The following BIRC7 variants were observed in gnomAD, a reference collection of about 807,000 sequenced individuals.
BIRC7 encodes baculoviral IAP repeat-containing protein 7.
Under a neutral mutation model 33.2 loss-of-function variants are expected in BIRC7, and 26 were observed. That is an observed-to-expected ratio of 0.78 (90% CI 0.57 to 1.09). The LOEUF is 1.09. Among genes scored for constraint, BIRC7 ranks in the 50% least tolerant of loss-of-function variants. BIRC7 has a pLI of 0.00. For missense variants in BIRC7, 409 were observed against 401.2 expected (o/e 1.02, Z -0.17); for synonymous variants, 176 against 171.0 (o/e 1.03, Z -0.23).
chr20:63,237,810 T>C, intron 1 of BIRC7, 93 bp from the exon 2 acceptor site: 2 of 855,244 alleles, frequency 2.3e-6, no homozygotes. Flanking sequence ...GGAGCTCCCC[T>C]CCAGCTGAAG....
chr20:63,238,867 C>T (rs1204667105), intron 4 of BIRC7: 1 of 635,258 alleles, frequency 1.6e-6, no homozygotes, highest in African/African-American at 1.8e-5. Context: ...AGCCCATTGC[C>T]TGTCGCCATA....
rs1352135615 is a variant in BIRC7, at chr20:63,240,487, C to T, written c.*237C>T. On this transcript the variant is annotated 3_prime_UTR_variant, in exon 7 of 7. Coordinates refer to ENST00000217169, the MANE Select transcript of BIRC7 (RefSeq NM_139317.3). ...TGAATAGAAATAAAGTGGGTTTTCC[C>T]TGGAGGTACCCAGCAGCCTGTTCCA... is the stretch of plus-strand genomic sequence containing the variant. 2 of 152,246 alleles carry T rather than the reference C, an allele frequency of 1.3e-5. No individual in the cohort carries two copies. The highest frequency in any genetic ancestry group is 3.9e-4 in the East Asian group (2 of 5,188). The allele number at this position is 152,246 out of a possible 1,614,324, so 9.4% of individuals were successfully genotyped here. A position where few individuals can be genotyped will look rare whatever the true frequency, so the allele number is the denominator to read the frequency against.
chr20:63,235,982 C>A lies in BIRC7; in HGVS notation c.-115C>A. 2 of 1,332,706 alleles carry A rather than the reference C, an allele frequency of 1.5e-6. No individual in the cohort carries two copies. Among genetic ancestry groups the A allele is most frequent in the Non-Finnish European group, 2.0e-6 (2 of 991,572 alleles). The allele number at this position is 1,332,706 out of a possible 1,614,324, so 82.6% of individuals were successfully genotyped here. A position where few individuals can be genotyped will look rare whatever the true frequency, so the allele number is the denominator to read the frequency against. ...GCAGGCCTGTGCCTATCCCTGCTGT[C>A]CCCAGGGTGGGCCCCGGGGGTCAGG... On this transcript the variant is annotated 5_prime_UTR_variant, in exon 1 of 7. Coordinates refer to ENST00000217169, the MANE Select transcript of BIRC7 (RefSeq NM_139317.3).
chr20:63,236,350 G>C lies in BIRC7; in HGVS notation c.254G>C (p.Gly85Ala), dbSNP rs2066688749. The stretch of plus-strand genomic sequence containing the variant: ...AGGGGGCCTGCCTTCCCCGGCATGG[G>C]CTCTGAGGAGTTGCGTCTGGCCTCC... The part of the protein sequence containing the change: ...LSRGPAFPGM[G>A]SEELRLASFY... Residue 85 changes from glycine (G) to alanine (A), a missense_variant, in exon 1 of 7, where the codon GGC becomes GCC. Transcript: ENST00000217169. 1 of 1,599,628 alleles carries C rather than the reference G, an allele frequency of 6.3e-7. No individual in the cohort carries two copies. The highest frequency in any genetic ancestry group is 8.5e-7 in the Non-Finnish European group (1 of 1,170,810).
At chr20:63,239,073 C>A in intron 4 of BIRC7, 89 bp from the exon 5 acceptor site, 1 of 1,372,948 alleles carries the variant, frequency 7.3e-7, no homozygotes, top group Non-Finnish European at 1.0e-6. Context: ...CCGGCCAGAA[C>A]TGGACCCCAC....
Position 63,239,602 on chromosome 20 carries a change from C to T in BIRC7, c.894C>T (p.Ser298=). Residue 298 remains serine, a synonymous_variant, in exon 6 of 7, where the codon TCC becomes TCT. Coordinates refer to ENST00000217169, the MANE Select transcript of BIRC7 (RefSeq NM_139317.3). The part of the protein sequence containing the change: ...PVRSRVRTFL[S] The stretch of plus-strand genomic sequence containing the variant: ...GCAGCCGCGTGCGCACCTTCCTGTC[C>T]TAGGCCAGGTGAGCGCCCCAGCACC... 1.3e-6 allele frequency: 2 copies of T among 1,594,554 alleles called. No homozygotes were observed. The highest frequency in any genetic ancestry group is 1.7e-6 in the Non-Finnish European group (2 of 1,177,400).
Position 63,236,341 on chromosome 20 carries a change from C to T in BIRC7, c.245C>T (p.Pro82Leu), listed in dbSNP as rs2066688584. 6.2e-7 allele frequency: 1 copy of T among 1,603,826 alleles called. No homozygotes were observed. The highest frequency in any genetic ancestry group is 1.7e-5 in the Admixed American group (1 of 59,812). ...ACCTTGTCCAGGGGGCCTGCCTTCC[C>T]CGGCATGGGCTCTGAGGAGTTGCGT... ...GATLSRGPAF[P>L]GMGSEELRLA... Residue 82 changes from proline (P) to leucine (L), a missense_variant, in exon 1 of 7, where the codon CCC (proline) becomes CTC (leucine). Physicochemically the swap from Pro to Leu is moderately conservative, Grantham distance 98. Transcript: ENST00000217169.
At chr20:63,239,753 T>A in intron 6 of BIRC7, 143 bp downstream of exon 6, 1 of 1,216,752 alleles carries the variant, frequency 8.2e-7, no homozygotes, top group Non-Finnish European at 1.1e-6. Context: ...GTCCCGCTGA[T>A]AGCGCCCATC....
intron 2 of BIRC7, 45 bp from the exon 3 acceptor site, chr20:63,238,351 A>T (rs1351004437): frequency 1.9e-6 from 3 of 1,605,306 alleles, no homozygotes; most frequent in Non-Finnish European, 2.6e-6. Context: ...TGAAGCAGAC[A>T]GTGGGGGCCC....
intron 2 of BIRC7, 98 bp from the exon 3 acceptor site, chr20:63,238,298 G>T: frequency 7.0e-7 from 1 of 1,428,398 alleles, no homozygotes; most frequent in South Asian, 1.2e-5. Flanking sequence ...GCAGGGTGGC[G>T]GGAGGAGGGG....
chr20:63,238,110 G>A, intron 2 of BIRC7, 108 bp downstream of exon 2: 1 of 1,109,222 alleles, frequency 9.0e-7, no homozygotes, highest in Non-Finnish European at 1.3e-6. Flanking sequence ...TGGCCCCACA[G>A]GGCACTGGGG....
chr20:63,239,374 C>A lies in BIRC7; in HGVS notation c.666C>A (p.Ala222=). The A allele has an allele frequency of 1.2e-6, 2 of 1,603,602 alleles. No individual in the cohort carries two copies. The highest frequency in any genetic ancestry group is 1.7e-6 in the Non-Finnish European group (2 of 1,179,730). ...TCCTCCTAGGAGGGGTCAGTCCAGC[C>A]GAGGCCCAGAGGGCGTGGTGGGTTC... ...SAQEPGGVSP[A]EAQRAWWVLE... is the part of the protein sequence containing the mutation. Residue 222 remains alanine, a synonymous_variant, in exon 6 of 7, where the codon GCC becomes GCA. Transcript: ENST00000217169.
Position 63,239,304 on chromosome 20 carries a change from C to T in BIRC7, c.650-54C>T, listed in dbSNP as rs564528998. On this transcript the variant is annotated intron_variant, in intron 5 of 6. Transcript: ENST00000217169. Reference sequence around the variant, plus strand: ...CTGAGGGACCCCGACCTTCCATGGCCCATAGAGGGTGGGGGCCAGGGTGTG... The same window carrying T: ...CTGAGGGACCCCGACCTTCCATGGCTCATAGAGGGTGGGGGCCAGGGTGTG... 2,236 of 1,605,738 alleles carry T rather than the reference C, an allele frequency of 1.4e-3. 22 individuals are homozygous for T. The Middle Eastern group carries it at 0.015, about 11-fold the overall frequency.
intron 6 of BIRC7, among the ~76,000 whole-genome samples, chr20:63,239,953 C>T (rs1216709228): frequency 6.6e-6 from 1 of 152,240 alleles, no homozygotes. Context: ...CCAGGTTGGG[C>T]TTACACAAGC....
rs749078800 is a variant in BIRC7, at chr20:63,239,455, G to A, written c.747G>A (p.Glu249=). 1 of 1,606,960 alleles carries A rather than the reference G, an allele frequency of 6.2e-7. No homozygotes were observed. Among genetic ancestry groups the A allele is most frequent in the Non-Finnish European group, 8.5e-7 (1 of 1,179,886 alleles). ...CGCAGCTGCGGCGGCTGCAGGAGGA[G>A]AGGACGTGCAAGGTGTGCCTGGACC... The part of the protein sequence containing the change: ...VEAQLRRLQE[E]RTCKVCLDRA... Residue 249 remains glutamate (E), a synonymous_variant, in exon 6 of 7, where the codon GAG becomes GAA. Coordinates refer to ENST00000217169, the MANE Select transcript of BIRC7 (RefSeq NM_139317.3).
At chr20:63,238,158 C>A in intron 2 of BIRC7, 156 bp downstream of exon 2, 1 of 874,086 alleles carries the variant, frequency 1.1e-6, no homozygotes, top group Non-Finnish European at 1.8e-6. Context: ...CCGGCAGGTA[C>A]CCACTTTTCC....
chr20:63,238,534 T>A (rs1231141829), intron 3 of BIRC7, 35 bp from the exon 4 acceptor site: 1 of 1,613,134 alleles, frequency 6.2e-7, no homozygotes, highest in East Asian at 2.2e-5. Flanking sequence ...CCCCTCCTAT[T>A]TCCCCAAGGC....
At position 63,239,541 on chromosome 20, in the gene BIRC7, G is replaced by T; in HGVS notation, c.833G>T (p.Gly278Val). 1.2e-6 allele frequency: 2 copies of T among 1,603,854 alleles called. No individual in the cohort carries two copies. Among genetic ancestry groups the T allele is most frequent in the Non-Finnish European group, 1.7e-6 (2 of 1,179,704 alleles). Residue 278 changes from glycine (G) to valine (V), a missense_variant, in exon 6 of 7, where the codon GGC becomes GTC. Gly to Val is a moderately radical substitution (Grantham distance 109). Transcript: ENST00000217169. ...GHLVCAECAP[G>V]LQLCPICRAP... is the part of the protein sequence containing the mutation. ...CTGGTCTGTGCTGAGTGTGCCCCCGGCCTGCAGCTGTGCCCCATCTGCAGA... is the reference window on the plus strand; with the variant it reads ...CTGGTCTGTGCTGAGTGTGCCCCCGTCCTGCAGCTGTGCCCCATCTGCAGA...
Position 63,236,036 on chromosome 20 carries a change from C to A in BIRC7, c.-61C>A. 1 of 1,467,978 alleles carries A rather than the reference C, an allele frequency of 6.8e-7. No homozygotes were observed. Among genetic ancestry groups the A allele is most frequent in the Non-Finnish European group, 9.1e-7 (1 of 1,098,418 alleles). The allele number at this position is 1,467,978 out of a possible 1,614,324, so 90.9% of individuals were successfully genotyped here. The stretch of plus-strand genomic sequence containing the variant: ...TCCAGAAGGGCCAGCTGGGCATATT[C>A]TGAGATTGGCCATCAGCCCCCATTT... On this transcript the variant is annotated 5_prime_UTR_variant, in exon 1 of 7. The change creates a new upstream start codon in the 5' untranslated region. Coordinates refer to ENST00000217169, the MANE Select transcript of BIRC7 (RefSeq NM_139317.3).
Sources: allele counts gnomAD v4.1 joint callset (sites outside exome capture counted in the v4.1 genomes callset), GRCh38; gene constraint gnomAD v4.1.1; transcripts MANE v1.5; gene names NCBI Gene and HGNC (gene_info 2026-07-23, HGNC 2026-07-21).